GRIA1: variants seen among roughly 807,000 people sequenced by gnomAD.
GRIA1 encodes glutamate ionotropic receptor AMPA type subunit 1.
A neutral mutation model predicts 99.2 loss-of-function variants in GRIA1; 31 were observed. The ratio of observed to expected loss-of-function variants is 0.31; its 90% CI spans 0.23 to 0.42. The LOEUF (loss-of-function observed/expected upper bound fraction) is 0.42, where lower values mean the gene tolerates loss of function less well. Among genes scored for constraint, GRIA1 ranks in the 10% least tolerant of loss-of-function variants. The probability of loss-of-function intolerance (pLI) is 1.00; values close to 1 mark genes in which losing one functional copy is unlikely to be tolerated. For synonymous variants in GRIA1, 438 were observed against 432.4 expected, an observed-to-expected ratio of 1.01 and a Z score of -0.16; for missense variants, 782 against 1,157.5, an observed-to-expected ratio of 0.68 and a Z score of 4.71.
At chr5:153,717,290 A>G (rs1759731827) in intron 11 of GRIA1, among the ~76,000 whole-genome samples, 1 of 152,208 alleles carries the variant, frequency 6.6e-6, no homozygotes, top group Non-Finnish European at 1.5e-5. Flanking sequence ...ACTTCTGGGA[A>G]GCAATGAATG....
chr5:153,658,997 CA>C (rs3037013), intron 5 of GRIA1, among the ~76,000 whole-genome samples: 5 of 141,518 alleles, frequency 3.5e-5, no homozygotes, highest in South Asian at 2.3e-4. Flanking sequence ...AACAAACAAA[CA>C]AAAAAAAAAC....
chr5:153,665,297 T>C (rs894251011), intron 5 of GRIA1, among the ~76,000 whole-genome samples: 1 of 152,228 alleles, frequency 6.6e-6, no homozygotes, highest in Admixed American at 6.5e-5. Flanking sequence ...GATACTTGTA[T>C]GAGGTATGTC....
At chr5:153,744,372 G>A (rs1762012604) in intron 11 of GRIA1, among the ~76,000 whole-genome samples, 1 of 152,266 alleles carries the variant, frequency 6.6e-6, no homozygotes, top group East Asian at 1.9e-4. Context: ...AGATTCTGAG[G>A]AAACATGATT....
At chr5:153,553,901 G>A (rs1455132571) in intron 2 of GRIA1, among the ~76,000 whole-genome samples, 1 of 152,088 alleles carries the variant, frequency 6.6e-6, no homozygotes, top group Non-Finnish European at 1.5e-5. Flanking sequence ...GGTGGCAGCA[G>A]GGGGGACCCT....
intron 10 of GRIA1, among the ~76,000 whole-genome samples, chr5:153,700,441 T>C (rs1403469979): frequency 6.6e-6 from 1 of 152,080 alleles, no homozygotes; most frequent in Non-Finnish European, 1.5e-5. Context: ...TTTTAAAGTA[T>C]AAACAATAGG....
chr5:153,698,035 C>G lies in GRIA1; in HGVS notation c.1135-9C>G, dbSNP rs1758240848. On this transcript the variant is annotated splice_polypyrimidine_tract_variant and intron_variant, in intron 8 of 15. Transcript: ENST00000285900. ...CCACCTGACACCTCCACTCTCTTCTCATTAACAGATTGGTTACTGGAATGA... is the reference window on the plus strand; with the variant it reads ...CCACCTGACACCTCCACTCTCTTCTGATTAACAGATTGGTTACTGGAATGA... The G allele has an allele frequency of 2.0e-6, 3 of 1,522,256 alleles. No individual in the cohort carries two copies. The highest frequency in any genetic ancestry group is 2.7e-6 in the Non-Finnish European group (3 of 1,096,744). The allele number at this position is 1,522,256 out of a possible 1,614,324, so 94.3% of individuals were successfully genotyped here.
chr5:153,731,424 T>C (rs905135135), intron 11 of GRIA1, among the ~76,000 whole-genome samples: 1 of 152,088 alleles, frequency 6.6e-6, no homozygotes, highest in African/African-American at 2.4e-5. Flanking sequence ...AGGGGACCCT[T>C]TCCTGATCTC....
chr5:153,790,493 CAT>C (rs932701438), intron 13 of GRIA1, among the ~76,000 whole-genome samples: 2 of 152,198 alleles, frequency 1.3e-5, no homozygotes, highest in Non-Finnish European at 1.5e-5. Flanking sequence ...AACTGAAAGA[CAT>C]TGATTTTTCT....
At chr5:153,568,914 A>G (rs973954780) in intron 2 of GRIA1, among the ~76,000 whole-genome samples, 1 of 152,182 alleles carries the variant, frequency 6.6e-6, no homozygotes, top group Non-Finnish European at 1.5e-5. Context: ...CTTTAAGTCC[A>G]TGTCTTTGTT....
intron 2 of GRIA1, among the ~76,000 whole-genome samples, chr5:153,524,816 A>G (rs1757458109): frequency 6.6e-6 from 1 of 152,056 alleles, no homozygotes; most frequent in Non-Finnish European, 1.5e-5. Flanking sequence ...CCTAATTGCA[A>G]CTCCAGTGAA....
At chr5:153,781,851 TA>T (rs1366572773) in intron 13 of GRIA1, among the ~76,000 whole-genome samples, 5 of 152,070 alleles carry the variant, frequency 3.3e-5, no homozygotes, top group African/African-American at 1.2e-4. Context: ...TCAGTACTCT[TA>T]AGGGAAACAA....
intron 2 of GRIA1, among the ~76,000 whole-genome samples, chr5:153,556,455 G>A (rs1293894683): frequency 6.6e-6 from 1 of 152,118 alleles, no homozygotes; most frequent in East Asian, 1.9e-4. Context: ...CAACAGAGTT[G>A]CTGGGAGTTT....
chr5:153,529,336 C>T (rs978991607), intron 2 of GRIA1, among the ~76,000 whole-genome samples: 3 of 152,178 alleles, frequency 2.0e-5, no homozygotes, highest in African/African-American at 7.2e-5. Flanking sequence ...GGACCTCAGA[C>T]TCCTGGGTTC....
chr5:153,647,132 G>C lies in GRIA1; in HGVS notation c.425G>C (p.Trp142Ser). The change falls in exon 3 of 16, where the codon TGG becomes TCG. Residue 142 changes from tryptophan to serine, a missense_variant. Physicochemically the swap from Trp to Ser is radical, Grantham distance 177. Transcript: ENST00000285900. ...ALISIIDHYK[W>S]QKFVYIYDAD... ...ATCAGCATCATTGACCATTACAAGT[G>C]GCAGAAATTTGTCTACATTTATGAT... 6.2e-7 allele frequency: 1 copy of C among 1,613,852 alleles called. No individual in the cohort carries two copies. The highest frequency in any genetic ancestry group is 8.5e-7 in the Non-Finnish European group (1 of 1,179,876).
chr5:153,782,514 A>G (rs1019626400), intron 13 of GRIA1, among the ~76,000 whole-genome samples: 1 of 152,208 alleles, frequency 6.6e-6, no homozygotes, highest in Non-Finnish European at 1.5e-5. Flanking sequence ...TATATAAACT[A>G]TACAACTTTT....
intron 12 of GRIA1, among the ~76,000 whole-genome samples, chr5:153,769,812 T>C (rs1242510300): frequency 6.6e-6 from 1 of 152,114 alleles, no homozygotes; most frequent in Non-Finnish European, 1.5e-5. Flanking sequence ...TTCTATTTCT[T>C]CTGGTTAGTA....
chr5:153,681,297 T>A (rs1756954228), intron 7 of GRIA1, among the ~76,000 whole-genome samples: 1 of 152,158 alleles, frequency 6.6e-6, no homozygotes, highest in Non-Finnish European at 1.5e-5. Context: ...GCCGCCATGA[T>A]GCAAAAACCT....
chr5:153,792,320 A>G (rs1418918761), intron 13 of GRIA1, among the ~76,000 whole-genome samples: 2 of 152,218 alleles, frequency 1.3e-5, no homozygotes, highest in Non-Finnish European at 2.9e-5. Context: ...GACCCCAAAC[A>G]GGATTATTTG....
chr5:153,779,160 G>T (rs369977307), intron 13 of GRIA1, among the ~76,000 whole-genome samples: 88 of 152,196 alleles, frequency 5.8e-4, no homozygotes, highest in Non-Finnish European at 5.3e-4. Context: ...GCCCTGTGAT[G>T]GTCATACATT....
Sources: allele counts gnomAD v4.1 joint callset (sites outside exome capture counted in the v4.1 genomes callset), GRCh38; gene constraint gnomAD v4.1.1; transcripts MANE v1.5; gene names NCBI Gene and HGNC (gene_info 2026-07-23, HGNC 2026-07-21).